EXOC4: variants seen among roughly 807,000 people sequenced by gnomAD.
EXOC4 encodes exocyst complex component 4.
EXOC4 carries 71 observed loss-of-function variants against 107.2 expected under a neutral mutation model. The ratio of observed to expected loss-of-function variants is 0.66; its 90% confidence interval spans 0.55 to 0.81. EXOC4 has a LOEUF of 0.81. Ranked by LOEUF, EXOC4 falls within the 30% of genes least tolerant of loss-of-function variation. The pLI, the probability that EXOC4 is intolerant of heterozygous loss-of-function variation, is 0.00. For missense variants in EXOC4, 1,108 were observed against 1,189.6 expected, an observed-to-expected ratio of 0.93 and a Z score of 1.01; for synonymous variants, 456 against 441.2, an observed-to-expected ratio of 1.03 and a Z score of -0.42.
At chr7:133,966,245 C>G (rs1801063107) in intron 14 of EXOC4, among the ~76,000 whole-genome samples, 1 of 152,176 alleles carries the variant, frequency 6.6e-6, no homozygotes. Flanking sequence ...ATGGGGTTTT[C>G]TAAATATACA....
intron 10 of EXOC4, among the ~76,000 whole-genome samples, chr7:133,715,908 T>G (rs1361787738): frequency 6.6e-6 from 1 of 152,182 alleles, no homozygotes; most frequent in Non-Finnish European, 1.5e-5. Flanking sequence ...AAGCATATTT[T>G]TTTCATTGGA....
At chr7:133,605,493 C>G (rs1467814795) in intron 9 of EXOC4, among the ~76,000 whole-genome samples, 1 of 152,128 alleles carries the variant, frequency 6.6e-6, no homozygotes, top group Admixed American at 6.5e-5. Context: ...TATAATGGAA[C>G]CATGAAATGT....
intron 12 of EXOC4, among the ~76,000 whole-genome samples, chr7:133,902,417 C>A (rs1435800355): frequency 1.3e-5 from 2 of 152,130 alleles, no homozygotes; most frequent in East Asian, 3.8e-4. Context: ...ATTTATTCAA[C>A]AAATATTTAT....
At chr7:133,922,987 G>GT (rs5887651) in intron 13 of EXOC4, among the ~76,000 whole-genome samples, 87 of 148,950 alleles carry the variant, frequency 5.8e-4, no homozygotes, top group South Asian at 3.4e-3. Flanking sequence ...AATATCCTGG[G>GT]TTTTTTTTTT....
intron 14 of EXOC4, among the ~76,000 whole-genome samples, chr7:133,949,881 AT>A (rs11377103): frequency 1.3e-5 from 2 of 151,628 alleles, no homozygotes; most frequent in Admixed American, 6.6e-5. Context: ...CGCAAACTTG[AT>A]TTTTTTTTAA....
chr7:133,484,119 C>G, intron 9 of EXOC4: 1 of 1,610,586 alleles, frequency 6.2e-7, no homozygotes, highest in Non-Finnish European at 8.5e-7. Flanking sequence ...TAAGTTCCTG[C>G]CAACATTTTC....
the EXOC4 span, among the ~76,000 whole-genome samples, chr7:134,094,582 T>A: frequency 3.3e-5 from 5 of 152,052 alleles, no homozygotes; most frequent in Non-Finnish European, 2.9e-5. Context: ...GCATCAGTAT[T>A]GATAACAAAA....
At chr7:133,951,683 G>C (rs987242518) in intron 14 of EXOC4, among the ~76,000 whole-genome samples, 18 of 152,144 alleles carry the variant, frequency 1.2e-4, no homozygotes, top group Admixed American at 1.1e-3. Flanking sequence ...TTTGAAATTA[G>C]ATTTTGAGCT....
intron 9 of EXOC4, among the ~76,000 whole-genome samples, chr7:133,520,340 T>A (rs1277177926): frequency 6.6e-6 from 1 of 152,094 alleles, no homozygotes; most frequent in Non-Finnish European, 1.5e-5. Flanking sequence ...ACCTTTTAGA[T>A]CTTGGTATTT....
chr7:134,065,148 T>A lies in EXOC4; in HGVS notation c.*620T>A, dbSNP rs1796153568. 6.6e-6 allele frequency: 1 copy of A among 152,628 alleles called. No individual in the cohort carries two copies. Among genetic ancestry groups the A allele is most frequent in the Non-Finnish European group, 1.5e-5 (1 of 68,032 alleles). The allele number at this position is 152,628 out of a possible 1,614,324, so 9.5% of individuals were successfully genotyped here. A position where few individuals can be genotyped will look rare whatever the true frequency, so the allele number is the denominator to read the frequency against. ...TTGATCCCAGTCCCTGGGACAGTTT[T>A]GTATGCTGTATCTTGTACACAGGTT... is the stretch of plus-strand genomic sequence containing the variant. On this transcript the variant is annotated 3_prime_UTR_variant, in exon 18 of 18. Transcript: ENST00000253861.
chr7:133,609,142 G>T lies in EXOC4; in HGVS notation c.1418-20903G>T, dbSNP rs565951772. Among the ~76,000 whole-genome samples, 155 of 152,246 alleles carry T rather than the reference G, an allele frequency of 1.0e-3. 1 individual carries two copies. The highest frequency in any genetic ancestry group is 2.1e-4 in the Non-Finnish European group (14 of 68,018). ...AGATAGCCACAAATCCATCAATTGG[G>T]ATATCTGAGTGTGGGGAACTGTAAT... On this transcript the variant is annotated intron_variant, in intron 9 of 17. Coordinates refer to ENST00000253861, the MANE Select transcript of EXOC4 (RefSeq NM_021807.4).
Position 133,356,401 on chromosome 7 carries a change from A to C in EXOC4, c.835A>C (p.Met279Leu). 1 of 1,614,100 alleles carries C rather than the reference A, an allele frequency of 6.2e-7. No homozygotes were observed. The highest frequency in any genetic ancestry group is 8.5e-7 in the Non-Finnish European group (1 of 1,179,968). ...TCCAGAGGAAAACAGCACCCTGTTT[A>C]TGGGTATCCTCATTAAGGGCTTGGC... is the stretch of plus-strand genomic sequence containing the variant. ...LDPEENSTLF[M>L]GILIKGLAKL... The change falls in exon 6 of 18, where the codon ATG (methionine) becomes CTG (leucine). Residue 279 changes from methionine to leucine, a missense_variant. Met to Leu is a conservative substitution (Grantham distance 15). Coordinates refer to ENST00000253861, the MANE Select transcript of EXOC4 (RefSeq NM_021807.4).
chr7:133,620,103 A>G (rs1006747120), intron 9 of EXOC4, among the ~76,000 whole-genome samples: 2 of 151,744 alleles, frequency 1.3e-5, no homozygotes, highest in South Asian at 2.1e-4. Context: ...GTTTACTGCA[A>G]CTTCCACTTC....
chr7:133,269,975 CATCTCATCTTGAATTTT>C (rs756411645), intron 1 of EXOC4, among the ~76,000 whole-genome samples: 1 of 152,196 alleles, frequency 6.6e-6, no homozygotes, highest in Non-Finnish European at 1.5e-5. Context: ...TCCCCATCCA[CATCTCATCTTGAATTTT>C]AACTCCCACA....
chr7:133,330,880 C>T (rs186808688), intron 5 of EXOC4, among the ~76,000 whole-genome samples: 5 of 151,998 alleles, frequency 3.3e-5, no homozygotes, highest in Admixed American at 2.6e-4. Flanking sequence ...AGCTGCAAAC[C>T]GGAGCTGTTC....
chr7:133,257,990 A>C (rs1173334251), intron 1 of EXOC4, among the ~76,000 whole-genome samples: 1 of 152,164 alleles, frequency 6.6e-6, no homozygotes, highest in Non-Finnish European at 1.5e-5. Context: ...CTCTGTTCTG[A>C]GCCGAGTCTT....
At chr7:133,611,162 T>C (rs1802068422) in intron 9 of EXOC4, among the ~76,000 whole-genome samples, 1 of 152,024 alleles carries the variant, frequency 6.6e-6, no homozygotes, top group Non-Finnish European at 1.5e-5. Context: ...AATTGTTAGA[T>C]TGTTACTCCC....
At chr7:133,769,684 T>G (rs1796207556) in intron 10 of EXOC4, among the ~76,000 whole-genome samples, 1 of 151,920 alleles carries the variant, frequency 6.6e-6, no homozygotes, top group Non-Finnish European at 1.5e-5. Context: ...AAGCTCTAAA[T>G]GCAGTATGTC....
At chr7:133,276,855 C>T (rs1463191795) in intron 2 of EXOC4, among the ~76,000 whole-genome samples, 1 of 152,144 alleles carries the variant, frequency 6.6e-6, no homozygotes, top group African/African-American at 2.4e-5. Flanking sequence ...TCTACAAATA[C>T]TGATGATATA....
Sources: allele counts gnomAD v4.1 joint callset (sites outside exome capture counted in the v4.1 genomes callset), GRCh38; gene constraint gnomAD v4.1.1; transcripts MANE v1.5; gene names NCBI Gene and HGNC (gene_info 2026-07-23, HGNC 2026-07-21).